Variants in WDR36 observed in about 807,000 individuals in gnomAD.
WDR36 encodes the protein WD repeat domain 36, also known as WD repeat-containing protein 36.
WDR36 carries 63 observed loss-of-function variants against 112.7 expected under a neutral mutation model. That is an observed-to-expected ratio of 0.56 (90% CI 0.46 to 0.69). WDR36 has a LOEUF of 0.69. WDR36 is among the 30% of genes least tolerant of loss of function. The probability of loss-of-function intolerance (pLI) is 0.00; values close to 1 mark genes in which losing one functional copy is unlikely to be tolerated. For synonymous variants in WDR36, 410 were observed against 362.2 expected, an observed-to-expected ratio of 1.13 and a Z score of -1.50; for missense variants, 1,226 against 1,070.3, an observed-to-expected ratio of 1.15 and a Z score of -2.03.
intron 16 of WDR36, among the ~76,000 whole-genome samples, chr5:111,117,418 C>T (rs538506152): frequency 9.8e-4 from 150 of 152,298 alleles, no homozygotes; most frequent in Middle Eastern, 3.4e-3. Flanking sequence ...ATTTGAGCTG[C>T]TCACAGTGTG....
At chr5:111,126,483 C>A (rs965213399) in intron 22 of WDR36, among the ~76,000 whole-genome samples, 1 of 151,998 alleles carries the variant, frequency 6.6e-6, no homozygotes, top group Admixed American at 6.6e-5. Flanking sequence ...TTAAAAGTAT[C>A]AGGACTGTCC....
At chr5:111,120,909 TG>T (rs1313148055) in intron 18 of WDR36, 86 bp from the exon 19 acceptor site, 30 of 1,158,008 alleles carry the variant, frequency 2.6e-5, no homozygotes, top group Non-Finnish European at 3.8e-5. Context: ...TAAATGAACA[TG>T]TTATGAAATA....
intron 16 of WDR36, 58 bp from the exon 17 acceptor site, chr5:111,118,955 G>C: frequency 2.8e-6 from 4 of 1,421,206 alleles, no homozygotes; most frequent in Non-Finnish European, 4.0e-6. Context: ...ATATTTTTGT[G>C]AATTATCTCC....
Position 111,123,884 on chromosome 5 carries a change from C to G in WDR36, c.2228C>G (p.Pro743Arg). The stretch of plus-strand genomic sequence containing the variant: ...ATTCCAACAATTCCTGGCCTTGTAC[C>G]CAGATATGCTGCACCTGAACAAAAT... The part of the protein sequence containing the change: ...FFIPTIPGLV[P>R]RYAAPEQNND... The change falls in exon 20 of 23, where the codon CCC becomes CGC. Residue 743 changes from proline to arginine, a missense_variant. Transcript: ENST00000513710. 6.2e-7 allele frequency: 1 copy of G among 1,613,800 alleles called. No homozygotes were observed. The highest frequency in any genetic ancestry group is 8.5e-7 in the Non-Finnish European group (1 of 1,179,904).
At chr5:111,121,197 T>A in intron 19 of WDR36, 56 bp downstream of exon 19, 1 of 1,601,570 alleles carries the variant, frequency 6.2e-7, no homozygotes, top group South Asian at 1.1e-5. Context: ...CATTTTTATT[T>A]TTTTAAGCAG....
At chr5:111,096,896 T>TCC in intron 2 of WDR36, 183 bp from the exon 3 acceptor site, 1 of 507,758 alleles carries the variant, frequency 2.0e-6, no homozygotes. Context: ...CTATCCTTAG[T>TCC]TTGATAGTTA....
At chr5:111,120,458 A>G (rs1414346940) in intron 17 of WDR36, 38 bp from the exon 18 acceptor site, 2 of 1,524,304 alleles carry the variant, frequency 1.3e-6, no homozygotes, top group Non-Finnish European at 9.1e-7. Context: ...GAAACTTTTT[A>G]TAATTTTTAA....
chr5:111,095,240 G>A (rs951289574), intron 2 of WDR36: 3 of 302,126 alleles, frequency 9.9e-6, no homozygotes, highest in African/African-American at 4.3e-5. Flanking sequence ...CCTTCAGTTT[G>A]AGTTTTTTTG....
chr5:111,109,844 C>T (rs1021430242), intron 12 of WDR36, among the ~76,000 whole-genome samples: 4 of 151,068 alleles, frequency 2.6e-5, no homozygotes, highest in East Asian at 1.9e-4. Flanking sequence ...AGAAATTAGG[C>T]GATGGAATGT....
At chr5:111,110,991 T>C in intron 14 of WDR36, 38 bp downstream of exon 14, 1 of 1,607,936 alleles carries the variant, frequency 6.2e-7, no homozygotes, top group Non-Finnish European at 8.5e-7. Context: ...TCTTTGATTC[T>C]TTTGGTAAAA....
rs1752906918 is a variant in WDR36 at position 111,093,303 on chromosome 5, C to T, written c.162+685C>T. On this transcript the variant is annotated intron_variant, in intron 1 of 22. Transcript: ENST00000513710. The stretch of plus-strand genomic sequence containing the variant: ...CTTGTTTACTTGTTTCTTTTGTCTT[C>T]TCCGAAAGAATGTAACCTCTGTGAG... Among the ~76,000 whole-genome samples the T allele has an allele frequency of 2.0e-5, 3 of 152,284 alleles. No individual in the cohort carries two copies. The South Asian group carries it at 6.2e-4, about 32-fold the overall frequency.
intron 15 of WDR36, among the ~76,000 whole-genome samples, chr5:111,111,929 TAAAATA>T (rs1409949646): frequency 2.0e-5 from 3 of 151,754 alleles, no homozygotes; most frequent in African/African-American, 7.2e-5. Context: ...ATAGAAAAAG[TAAAATA>T]AAAATAAAAT....
chr5:111,112,534 G>C (rs1439382524), intron 15 of WDR36, among the ~76,000 whole-genome samples: 1 of 151,906 alleles, frequency 6.6e-6, no homozygotes, highest in Non-Finnish European at 1.5e-5. Context: ...CTGTGATCTG[G>C]TTTGTGCCTC....
intron 2 of WDR36, 137 bp from the exon 3 acceptor site, chr5:111,096,942 A>G (rs1752999544): frequency 3.2e-6 from 2 of 628,648 alleles, no homozygotes; most frequent in South Asian, 1.9e-5. Context: ...TTAAAATTTT[A>G]TACACTGATT....
At chr5:111,113,325 G>T (rs1207722077) in intron 16 of WDR36, among the ~76,000 whole-genome samples, 172 bp downstream of exon 16, 1 of 151,830 alleles carries the variant, frequency 6.6e-6, no homozygotes, top group Non-Finnish European at 1.5e-5. Flanking sequence ...TAACTAAACA[G>T]CAGGTAGTAG....
chr5:111,092,356 T>A lies in WDR36; in HGVS notation c.-101T>A, dbSNP rs752635516. On this transcript the variant is annotated 5_prime_UTR_variant, in exon 1 of 23. Coordinates refer to ENST00000513710, the MANE Select transcript of WDR36 (RefSeq NM_139281.3). ...CGGGCGCCGGAAGCGGTGTTGTGTC[T>A]GCAGCTCTGGCAGAGGACTGTTCCA... The A allele has an allele frequency of 6.2e-7, 1 of 1,614,110 alleles. No individual in the cohort carries two copies. Among genetic ancestry groups the A allele is most frequent in the Admixed American group, 1.7e-5 (1 of 60,010 alleles).
At position 111,125,712 on chromosome 5, in the gene WDR36, A is replaced by T. The variant is rs779360742; in HGVS notation, c.2455A>T (p.Ser819Cys). 3 of 1,613,954 alleles carry T rather than the reference A, an allele frequency of 1.9e-6. No homozygotes were observed. The South Asian group carries it at 3.3e-5, about 18-fold the overall frequency. The change falls in exon 22 of 23, where the codon AGC becomes TGC. Residue 819 changes from serine (S) to cysteine (C), a missense_variant. Transcript: ENST00000513710. ...TGGTGGGTCCATAGAAGTTATGCAGAGCTTCTTGAAAATGATTGGGATGAT... is the reference window on the plus strand; with the variant it reads ...TGGTGGGTCCATAGAAGTTATGCAGTGCTTCTTGAAAATGATTGGGATGAT... ...DCGGSIEVMQ[S>C]FLKMIGMMLD... is the part of the protein sequence containing the mutation.
chr5:111,111,405 A>C, intron 15 of WDR36, 127 bp downstream of exon 15: 1 of 803,872 alleles, frequency 1.2e-6, no homozygotes, highest in Non-Finnish European at 2.1e-6. Flanking sequence ...TATTTTTCAA[A>C]GATTTTAAAG....
chr5:111,095,211 A>G (rs1561700166), intron 2 of WDR36: 2 of 397,466 alleles, frequency 5.0e-6, no homozygotes, highest in Non-Finnish European at 9.1e-6. Context: ...TTTGAAGAGT[A>G]CAGGCTCATT....
Sources: gnomAD v4.1 joint callset for allele counts (sites outside exome capture counted in the v4.1 genomes callset) on GRCh38, gnomAD v4.1.1 for gene constraint, MANE v1.5 for transcripts, NCBI Gene and HGNC (gene_info 2026-07-23, HGNC 2026-07-21) for gene names.